The following CYP2C18 variants were observed in gnomAD, a reference collection of about 807,000 sequenced individuals.
The protein encoded by CYP2C18 is cytochrome P450 2C18.
A neutral mutation model predicts 41.3 loss-of-function variants in CYP2C18; 38 were observed. The observed-to-expected ratio is 0.92, with a 90% confidence interval of 0.71 to 1.21. The LOEUF is 1.21. CYP2C18 is among the 50% of genes most tolerant of loss of function. The pLI, the probability that CYP2C18 is intolerant of heterozygous loss-of-function variation, is 0.00. For missense variants in CYP2C18, 635 were observed against 591.4 expected, an observed-to-expected ratio of 1.07 and a Z score of -0.77; for synonymous variants, 236 against 210.0, an observed-to-expected ratio of 1.12 and a Z score of -1.07.
intron 4 of CYP2C18, among the ~76,000 whole-genome samples, chr10:94,705,497 G>A (rs761431098): frequency 4.6e-5 from 7 of 152,136 alleles, no homozygotes; most frequent in South Asian, 2.1e-4. Context: ...CATCCTGCAC[G>A]TGCACCTTGG....
At chr10:94,729,660 A>G (rs1215650176) in intron 7 of CYP2C18, among the ~76,000 whole-genome samples, 1 of 152,120 alleles carries the variant, frequency 6.6e-6, no homozygotes, top group East Asian at 1.9e-4. Context: ...ATCTTGGGAC[A>G]TTCTTCTGAA....
chr10:94,696,043 T>C (rs113645150), intron 4 of CYP2C18, among the ~76,000 whole-genome samples: 7,276 of 152,244 alleles, frequency 0.048, 233 homozygotes, highest in South Asian at 0.11. Context: ...CTCTGTAGAC[T>C]CCACCTCTGG....
At chr10:94,705,743 A>G (rs1847331281) in intron 4 of CYP2C18, among the ~76,000 whole-genome samples, 1 of 152,282 alleles carries the variant, frequency 6.6e-6, no homozygotes, top group East Asian at 1.9e-4. Flanking sequence ...GTGGTTGAAC[A>G]CTACAGCTTG....
chr10:94,710,933 A>T (rs540123592), intron 5 of CYP2C18, among the ~76,000 whole-genome samples: 1 of 152,348 alleles, frequency 6.6e-6, no homozygotes, highest in East Asian at 1.9e-4. Flanking sequence ...CCTATAGTCA[A>T]TAATTTAGAC....
chr10:94,721,786 G>A (rs535401257), intron 6 of CYP2C18, among the ~76,000 whole-genome samples: 107 of 152,140 alleles, frequency 7.0e-4, no homozygotes, highest in African/African-American at 2.5e-3. Context: ...CAAAAGACAC[G>A]ATTTCGTTCT....
intron 5 of CYP2C18, among the ~76,000 whole-genome samples, chr10:94,715,092 G>A (rs1378366677): frequency 6.6e-6 from 1 of 152,026 alleles, no homozygotes. Context: ...GAGGCAATGG[G>A]GTTTTCTAAA....
At chr10:94,735,114 T>A in intron 8 of CYP2C18, 149 bp from the exon 9 acceptor site, 1 of 765,518 alleles carries the variant, frequency 1.3e-6, no homozygotes, top group Non-Finnish European at 2.1e-6. Flanking sequence ...TTCATTTTTG[T>A]TTTTCTGTGT....
chr10:94,719,467 G>T (rs1213520820), intron 5 of CYP2C18, among the ~76,000 whole-genome samples: 2 of 151,644 alleles, frequency 1.3e-5, no homozygotes, highest in Non-Finnish European at 2.9e-5. Flanking sequence ...GCAGTGGCAT[G>T]AACATGCTTC....
intron 3 of CYP2C18, among the ~76,000 whole-genome samples, chr10:94,692,217 C>T (rs993432337): frequency 1.3e-5 from 2 of 151,816 alleles, no homozygotes; most frequent in African/African-American, 2.4e-5. Flanking sequence ...CAAAAGAAAC[C>T]ACCATGAGAA....
intron 6 of CYP2C18, among the ~76,000 whole-genome samples, chr10:94,721,820 A>C (rs1847650577): frequency 6.6e-6 from 1 of 152,220 alleles, no homozygotes; most frequent in Admixed American, 6.5e-5. Context: ...GTAGTAGTGC[A>C]TGGTGTGTGT....
intron 5 of CYP2C18, among the ~76,000 whole-genome samples, chr10:94,713,677 A>G (rs1037924959): frequency 1.3e-5 from 2 of 152,132 alleles, no homozygotes; most frequent in African/African-American, 2.4e-5. Flanking sequence ...ATGATTTATA[A>G]TCCTTTGGGT....
intron 7 of CYP2C18, among the ~76,000 whole-genome samples, chr10:94,731,379 C>CAA (rs149051841): frequency 3.9e-4 from 56 of 142,374 alleles, no homozygotes; most frequent in South Asian, 8.9e-4. Context: ...GACTCTGTCT[C>CAA]AAAAAAAAAA....
chr10:94,688,098 C>T lies in CYP2C18; in HGVS notation c.332-27C>T, dbSNP rs117690007. ...TCTTGTCCTTGTTTGGATTCTCCCTCGTAGCTTCTGTTTTCTGTTCTGCTA... is the reference window on the plus strand; with the variant it reads ...TCTTGTCCTTGTTTGGATTCTCCCTTGTAGCTTCTGTTTTCTGTTCTGCTA... On this transcript the variant is annotated intron_variant, in intron 2 of 8. Coordinates refer to ENST00000285979, the MANE Select transcript of CYP2C18 (RefSeq NM_000772.3). 3.1e-3 allele frequency: 4,921 copies of T among 1,613,002 alleles called. 19 individuals are homozygous for T. The highest frequency in any genetic ancestry group is 0.012 in the African/African-American group (904 of 74,944).
At chr10:94,716,314 G>A (rs535654104) in intron 5 of CYP2C18, among the ~76,000 whole-genome samples, 3 of 152,178 alleles carry the variant, frequency 2.0e-5, no homozygotes, top group African/African-American at 7.2e-5. Flanking sequence ...TCTCTTGTGG[G>A]CATTTAGTGC....
intron 5 of CYP2C18, among the ~76,000 whole-genome samples, chr10:94,713,631 C>T (rs528453344): frequency 6.6e-6 from 1 of 152,190 alleles, no homozygotes; most frequent in Non-Finnish European, 1.5e-5. Context: ...AATAATGCCA[C>T]AATAAACATA....
At chr10:94,705,535 A>C (rs1847326674) in intron 4 of CYP2C18, among the ~76,000 whole-genome samples, 1 of 152,080 alleles carries the variant, frequency 6.6e-6, no homozygotes, top group African/African-American at 2.4e-5. Flanking sequence ...AAAACCCACA[A>C]AGCTTTTCTA....
At chr10:94,722,345 G>T (rs1239899811) in intron 6 of CYP2C18, among the ~76,000 whole-genome samples, 1 of 151,900 alleles carries the variant, frequency 6.6e-6, no homozygotes, top group Non-Finnish European at 1.5e-5. Context: ...TCTATGAGCA[G>T]ATTCTGGCTC....
chr10:94,720,249 A>G (rs1457331604), intron 5 of CYP2C18, 147 bp from the exon 6 acceptor site: 1 of 623,394 alleles, frequency 1.6e-6, no homozygotes. Context: ...TCTCTGCCAC[A>G]CCGTGCAATT....
intron 3 of CYP2C18, among the ~76,000 whole-genome samples, chr10:94,693,603 C>T (rs1847056844): frequency 6.6e-6 from 1 of 152,166 alleles, no homozygotes; most frequent in African/African-American, 2.4e-5. Context: ...TGCACACACA[C>T]ACAGAAATCT....
Sources: gnomAD v4.1 joint callset for allele counts (sites outside exome capture counted in the v4.1 genomes callset) on GRCh38, gnomAD v4.1.1 for gene constraint, MANE v1.5 for transcripts, NCBI Gene and HGNC (gene_info 2026-07-23, HGNC 2026-07-21) for gene names.